NF1: variants seen among roughly 807,000 people sequenced by gnomAD.
NF1 encodes the protein neurofibromin.
NF1 carries 122 observed loss-of-function variants against 325.7 expected under a neutral mutation model. The observed-to-expected ratio is 0.37, with a 90% CI of 0.32 to 0.44. NF1 has a LOEUF of 0.44. Among genes scored for constraint, NF1 ranks in the 20% least tolerant of loss-of-function variants. NF1 has a pLI of 1.00. For synonymous variants in NF1, 1,091 were observed against 1,186.0 expected, an observed-to-expected ratio of 0.92 and a Z score of 1.65; for missense variants, 2,140 against 3,415.4, an observed-to-expected ratio of 0.63 and a Z score of 9.31.
intron 31 of NF1, 38 bp from the exon 32 acceptor site, chr17:31,258,306 T>C (rs2067618929): frequency 6.2e-7 from 1 of 1,612,580 alleles, no homozygotes; most frequent in African/African-American, 1.3e-5. Context: ...TTATATTAAT[T>C]CAAACCTTAT....
At chr17:31,234,924 G>A (rs2067175605) in intron 27 of NF1, among the ~76,000 whole-genome samples, 1 of 151,980 alleles carries the variant, frequency 6.6e-6, no homozygotes, top group East Asian at 1.9e-4. Context: ...CTTATCATGT[G>A]ATTAAACAGT....
chr17:31,208,805 C>T lies in NF1; in HGVS notation c.1392+2434C>T, dbSNP rs551426375. ...ACTCAGGAGGCTGAGGCAGAAGAAT[C>T]GCTTGAACCTGGGAGGCAGAGGTTG... On this transcript the variant is annotated intron_variant, in intron 12 of 57. Coordinates refer to ENST00000358273, the MANE Select transcript of NF1 (RefSeq NM_001042492.3). 6.6e-5 allele frequency among the ~76,000 whole-genome samples: 10 copies of T among 152,056 alleles called. No individual in the cohort carries two copies. In the South Asian group the frequency reaches 1.0e-3, roughly 16 times the overall value.
At chr17:31,146,535 C>T (rs922212113) in intron 1 of NF1, among the ~76,000 whole-genome samples, 3 of 152,202 alleles carry the variant, frequency 2.0e-5, no homozygotes, top group African/African-American at 7.2e-5. Flanking sequence ...CCTTAGGTTT[C>T]TCTGCCCTCC....
chr17:31,288,805 A>G (rs1365216993), intron 36 of NF1, among the ~76,000 whole-genome samples: 1 of 152,078 alleles, frequency 6.6e-6, no homozygotes, highest in Non-Finnish European at 1.5e-5. Context: ...TTGAGGTTAC[A>G]GGTGTGAGCC....
chr17:31,115,343 A>G (rs748570057), intron 1 of NF1, among the ~76,000 whole-genome samples: 4 of 152,166 alleles, frequency 2.6e-5, no homozygotes, highest in Admixed American at 6.5e-5. Context: ...GTATGGAGGC[A>G]GTGGTCATGA....
At chr17:31,177,162 G>C (rs1222184052) in intron 5 of NF1, among the ~76,000 whole-genome samples, 1 of 152,052 alleles carries the variant, frequency 6.6e-6, no homozygotes, top group Non-Finnish European at 1.5e-5. Flanking sequence ...CCGTTTGTTT[G>C]TGTCCTCTCT....
At chr17:31,129,245 T>C (rs1375201218) in intron 1 of NF1, among the ~76,000 whole-genome samples, 4 of 152,266 alleles carry the variant, frequency 2.6e-5, no homozygotes, top group Admixed American at 1.3e-4. Flanking sequence ...TTGCTGCCTT[T>C]CTCCCCATAT....
At chr17:31,096,165 G>A (rs1479902257) in intron 1 of NF1, among the ~76,000 whole-genome samples, 1 of 149,240 alleles carries the variant, frequency 6.7e-6, no homozygotes, top group Non-Finnish European at 1.5e-5. Flanking sequence ...AGCGGTCTGA[G>A]GATGTGATGC....
chr17:31,129,631 A>T (rs1018793094), intron 1 of NF1, among the ~76,000 whole-genome samples: 1 of 151,978 alleles, frequency 6.6e-6, no homozygotes, highest in African/African-American at 2.4e-5. Flanking sequence ...GGGTTTCACC[A>T]TGTTGACCAG....
intron 2 of NF1, among the ~76,000 whole-genome samples, chr17:31,158,124 CTCT>C (rs1378869251): frequency 4.6e-5 from 7 of 152,158 alleles, no homozygotes; most frequent in African/African-American, 1.7e-4. Flanking sequence ...CTAGTGTCCT[CTCT>C]TCTACTTTTT....
chr17:31,155,897 G>C lies in NF1; in HGVS notation c.61-86G>C, dbSNP rs2065651661. 4.0e-6 allele frequency: 6 copies of C among 1,495,284 alleles called. 1 individual carries two copies. In the South Asian group the frequency reaches 6.2e-5, roughly 16 times the overall value. The allele number at this position is 1,495,284 out of a possible 1,614,324, so 92.6% of individuals were successfully genotyped here. The stretch of plus-strand genomic sequence containing the variant: ...GTGGTTGATGCAGTTTTCCTAAAAC[G>C]TCATGATTTTCAATGGCAAGTAAGT... On this transcript the variant is annotated intron_variant, in intron 1 of 57. Transcript: ENST00000358273.
At chr17:31,185,242 C>T (rs2066217722) in intron 8 of NF1, among the ~76,000 whole-genome samples, 1 of 152,124 alleles carries the variant, frequency 6.6e-6, no homozygotes, top group African/African-American at 2.4e-5. Context: ...CCTAGCAGGT[C>T]CCTAGAGGTG....
intron 8 of NF1, among the ~76,000 whole-genome samples, chr17:31,194,023 A>G (rs2066393005): frequency 1.3e-5 from 2 of 152,230 alleles, no homozygotes; most frequent in Non-Finnish European, 2.9e-5. Flanking sequence ...GTGATCCAAC[A>G]ATTCATTACT....
intron 4 of NF1, among the ~76,000 whole-genome samples, chr17:31,168,877 T>G (rs2953014): frequency 0.2 from 30,252 of 152,158 alleles, 3,721 homozygotes; most frequent in South Asian, 0.4. Context: ...ACGTTTTCTA[T>G]TCTGTCATTC....
intron 1 of NF1, among the ~76,000 whole-genome samples, chr17:31,124,178 A>C (rs1413905705): frequency 6.6e-6 from 1 of 152,148 alleles, no homozygotes; most frequent in African/African-American, 2.4e-5. Flanking sequence ...TTTTACATAA[A>C]AAATGTTCTT....
chr17:31,157,907 A>T lies in NF1; in HGVS notation c.205-1103A>T, dbSNP rs77689792. ...CGTGAACCCGGGAGGCGGAGCTTGT[A>T]GTGAGCCAGGATGCGCCACTGCACT... On this transcript the variant is annotated intron_variant, in intron 2 of 57. Coordinates refer to ENST00000358273, the MANE Select transcript of NF1 (RefSeq NM_001042492.3). Among the ~76,000 whole-genome samples, 5 of 151,848 alleles carry T rather than the reference A, an allele frequency of 3.3e-5. No homozygotes were observed. The East Asian group carries it at 9.7e-4, about 30-fold the overall frequency.
intron 2 of NF1, among the ~76,000 whole-genome samples, chr17:31,156,335 C>T (rs1458707248): frequency 6.6e-6 from 1 of 152,142 alleles, no homozygotes; most frequent in Non-Finnish European, 1.5e-5. Flanking sequence ...TCAGTGAGCA[C>T]AAGTAACTGT....
In NF1 at chr17:31,195,503, C is replaced by T. The variant is rs145550578; in HGVS notation, c.889-4919C>T. Among the ~76,000 whole-genome samples, 48 of 152,222 alleles carry T rather than the reference C, an allele frequency of 3.2e-4. No individual in the cohort carries two copies. The East Asian group carries it at 7.3e-3, about 23-fold the overall frequency. On this transcript the variant is annotated intron_variant, in intron 8 of 57. Coordinates refer to ENST00000358273, the MANE Select transcript of NF1 (RefSeq NM_001042492.3). ...TCCAAAACCTGTTCATCTTCCAAAA[C>T]AAATTCTGTATCTATTAAACAGCTC...
At position 31,098,555 on chromosome 17, in the gene NF1, C is replaced by G. The variant is rs553926738; in HGVS notation, c.60+3186C>G. 2.0e-5 allele frequency among the ~76,000 whole-genome samples: 3 copies of G among 152,140 alleles called. No homozygotes were observed. The East Asian group carries it at 5.8e-4, about 30-fold the overall frequency. The stretch of plus-strand genomic sequence containing the variant: ...AACATTTGTTATTTTTAGTAGAGTG[C>G]TGAGATTACAGGCGTGAGCCATCGC... On this transcript the variant is annotated intron_variant, in intron 1 of 57. Coordinates refer to ENST00000358273, the MANE Select transcript of NF1 (RefSeq NM_001042492.3).
Sources: gnomAD v4.1 joint callset for allele counts (sites outside exome capture counted in the v4.1 genomes callset) on GRCh38, gnomAD v4.1.1 for gene constraint, MANE v1.5 for transcripts, NCBI Gene and HGNC (gene_info 2026-07-23, HGNC 2026-07-21) for gene names.